The following DOCK4 variants were observed in gnomAD, a reference collection of about 807,000 sequenced individuals.
The protein encoded by DOCK4 is dedicator of cytokinesis 4, also known as dedicator of cytokinesis protein 4.
DOCK4 carries 97 observed loss-of-function variants against 268.1 expected under a neutral mutation model. The observed-to-expected ratio is 0.36, with a 90% CI of 0.31 to 0.43. The LOEUF is 0.43. Ranked by LOEUF, DOCK4 falls within the 20% of genes least tolerant of loss-of-function variation. The pLI is 1.00. For synonymous variants in DOCK4, 954 were observed against 887.2 expected, an observed-to-expected ratio of 1.08 and a Z score of -1.34; for missense variants, 2,145 against 2,455.7, an observed-to-expected ratio of 0.87 and a Z score of 2.67.
chr7:111,784,495 T>C (rs1799030702), intron 32 of DOCK4: 3 of 484,054 alleles, frequency 6.2e-6, no homozygotes, highest in South Asian at 3.1e-5. Flanking sequence ...CACTTAACAT[T>C]TGCCCACTCA....
intron 1 of DOCK4, among the ~76,000 whole-genome samples, chr7:112,094,921 A>G (rs187698566): frequency 4.3e-4 from 66 of 152,304 alleles, no homozygotes; most frequent in Admixed American, 2.7e-3. Context: ...TGGAAGCTCC[A>G]TGAGGCCTCC....
intron 16 of DOCK4, among the ~76,000 whole-genome samples, chr7:111,879,216 C>G (rs1807170271): frequency 6.6e-6 from 1 of 152,014 alleles, no homozygotes; most frequent in South Asian, 2.1e-4. Context: ...CTACACCCAT[C>G]CTGGGCCAAA....
chr7:112,097,831 C>T (rs569468713), intron 1 of DOCK4, among the ~76,000 whole-genome samples: 41 of 152,182 alleles, frequency 2.7e-4, no homozygotes, highest in Non-Finnish European at 3.5e-4. Context: ...AATCCCAATC[C>T]TAACAGAGTT....
At chr7:111,869,733 CTA>C in intron 20 of DOCK4, 78 bp from the exon 21 acceptor site, 1 of 1,213,722 alleles carries the variant, frequency 8.2e-7, no homozygotes, top group Non-Finnish European at 1.2e-6. Context: ...CAACTCTTAA[CTA>C]TATCATGAGG....
chr7:112,017,475 T>C (rs61093895), intron 1 of DOCK4, among the ~76,000 whole-genome samples: 2,375 of 152,256 alleles, frequency 0.016, 60 homozygotes, highest in African/African-American at 0.055. Flanking sequence ...CAATATAGTA[T>C]GGGAGAGGTA....
intron 1 of DOCK4, among the ~76,000 whole-genome samples, chr7:112,090,187 A>G (rs1035662064): frequency 6.6e-6 from 1 of 152,192 alleles, no homozygotes; most frequent in Non-Finnish European, 1.5e-5. Flanking sequence ...GATATGTGCT[A>G]TAAAGGAAAA....
At chr7:112,167,081 G>T (rs1225981774) in intron 1 of DOCK4, among the ~76,000 whole-genome samples, 1 of 152,182 alleles carries the variant, frequency 6.6e-6, no homozygotes, top group East Asian at 1.9e-4. Flanking sequence ...AACTACAAAA[G>T]AATTCATTAG....
intron 12 of DOCK4, among the ~76,000 whole-genome samples, chr7:111,924,596 C>T (rs1239475799): frequency 6.6e-6 from 1 of 152,134 alleles, no homozygotes; most frequent in East Asian, 1.9e-4. Context: ...GCTGTCTACA[C>T]TTAGGAAGAT....
chr7:111,912,530 T>A (rs942528198), intron 13 of DOCK4, among the ~76,000 whole-genome samples: 2 of 151,918 alleles, frequency 1.3e-5, no homozygotes, highest in Non-Finnish European at 2.9e-5. Context: ...GTCAAAAAAA[T>A]TTTAAATGTA....
At chr7:112,081,054 C>T (rs111245076) in intron 1 of DOCK4, among the ~76,000 whole-genome samples, 1 of 151,896 alleles carries the variant, frequency 6.6e-6, no homozygotes, top group Non-Finnish European at 1.5e-5. Flanking sequence ...CCACAGGCCA[C>T]GGATAGGAGG....
At chr7:112,183,115 G>T (rs921438139) in intron 1 of DOCK4, among the ~76,000 whole-genome samples, 1 of 152,216 alleles carries the variant, frequency 6.6e-6, no homozygotes, top group African/African-American at 2.4e-5. Flanking sequence ...CCTCTCTACA[G>T]ACGGAAGATG....
chr7:111,782,354 C>A (rs914961566), intron 35 of DOCK4, among the ~76,000 whole-genome samples: 8 of 152,032 alleles, frequency 5.3e-5, no homozygotes, highest in African/African-American at 1.9e-4. Context: ...ATTATGAATT[C>A]AATTTGCAAA....
chr7:111,838,798 T>C (rs1803443191), intron 25 of DOCK4, among the ~76,000 whole-genome samples: 1 of 152,190 alleles, frequency 6.6e-6, no homozygotes. Flanking sequence ...ATTGTGGTGA[T>C]GTTTCATAGG....
intron 12 of DOCK4, among the ~76,000 whole-genome samples, chr7:111,933,298 A>ATATTT (rs1554380830): frequency 3.3e-4 from 25 of 74,826 alleles, no homozygotes; most frequent in Middle Eastern, 7.7e-3. Context: ...ATATATATAT[A>ATATTT]TTTTTTTTTT....
At position 111,742,127 on chromosome 7, in the gene DOCK4, C is replaced by T; in HGVS notation, c.4683G>A (p.Gln1561=). The change falls in exon 45 of 53, where the codon CAG becomes CAA. Residue 1561 remains glutamine, a synonymous_variant. Transcript: ENST00000428084. ...GCACGGCCAAACCAAATTCCAGAAT[C>T]TGTGCCTTAATTCACAACATAAGGA... ...RLRELMLEQA[Q]ILEFGLAVHE... 1 of 1,593,046 alleles carries T rather than the reference C, an allele frequency of 6.3e-7. No individual in the cohort carries two copies. The highest frequency in any genetic ancestry group is 8.5e-7 in the Non-Finnish European group (1 of 1,171,862).
At chr7:112,127,781 T>G (rs1586878779) in intron 1 of DOCK4, among the ~76,000 whole-genome samples, 1 of 152,124 alleles carries the variant, frequency 6.6e-6, no homozygotes, top group African/African-American at 2.4e-5. Context: ...CTGTAATCCC[T>G]GCACTTTGGG....
At chr7:111,985,282 C>T (rs763961108) in intron 6 of DOCK4, among the ~76,000 whole-genome samples, 31 of 152,164 alleles carry the variant, frequency 2.0e-4, no homozygotes, top group African/African-American at 7.5e-4. Flanking sequence ...TGTGTAATGC[C>T]CTATCGATCA....
rs181230090 is a variant in DOCK4, at chr7:111,729,843, C to T, written c.5482-1123G>A. On this transcript the variant is annotated intron_variant, in intron 52 of 52. Coordinates refer to ENST00000428084, the MANE Select transcript of DOCK4 (RefSeq NM_001363540.2). ...ACTCCAGACTCCTGAGCTGAACTGG[C>T]GAACTGGCAGCCCTCGGGGCTGTAG... Among the ~76,000 whole-genome samples, 57 of 152,320 alleles carry T rather than the reference C, an allele frequency of 3.7e-4. No individual in the cohort carries two copies. The East Asian group carries it at 0.01, about 27-fold the overall frequency.
intron 47 of DOCK4, chr7:111,740,216 C>T: frequency 3.1e-6 from 1 of 323,172 alleles, no homozygotes; most frequent in South Asian, 2.2e-5. Flanking sequence ...TCTCCTGCCT[C>T]AGCCTCCCGA....
Sources: allele counts gnomAD v4.1 joint callset (sites outside exome capture counted in the v4.1 genomes callset), GRCh38; gene constraint gnomAD v4.1.1; transcripts MANE v1.5; gene names NCBI Gene and HGNC (gene_info 2026-07-23, HGNC 2026-07-21).